TRPC7: variants seen among roughly 807,000 people sequenced by gnomAD.
TRPC7 encodes the protein short transient receptor potential channel 7.
In TRPC7, 42 loss-of-function variants were observed where a neutral mutation model predicts 90.1. The observed-to-expected ratio is 0.47, with a 90% confidence interval of 0.36 to 0.60. The LOEUF is 0.60. Among genes scored for constraint, TRPC7 ranks in the 20% least tolerant of loss-of-function variants. TRPC7 has a pLI of 0.00. For synonymous variants in TRPC7, 451 were observed against 436.3 expected (o/e 1.03, Z -0.42); for missense variants, 955 against 1,112.3 (o/e 0.86, Z 2.01).
At chr5:136,315,288 C>T (rs571283201) in intron 3 of TRPC7, among the ~76,000 whole-genome samples, 6 of 152,256 alleles carry the variant, frequency 3.9e-5, no homozygotes, top group East Asian at 1.9e-4. Context: ...GGAGCCCTCG[C>T]GGTGACATTG....
intron 1 of TRPC7, among the ~76,000 whole-genome samples, chr5:136,361,145 T>C (rs180933075): frequency 3.3e-5 from 5 of 152,300 alleles, no homozygotes; most frequent in African/African-American, 1.2e-4. Flanking sequence ...TTAGGGCCAA[T>C]GATAAGCAAA....
At chr5:136,309,785 T>G (rs1463669926) in intron 3 of TRPC7, among the ~76,000 whole-genome samples, 3 of 152,224 alleles carry the variant, frequency 2.0e-5, no homozygotes, top group African/African-American at 7.2e-5. Flanking sequence ...AACTTACTTT[T>G]GTTAAAAGCC....
chr5:136,349,271 T>G (rs1210773614), intron 2 of TRPC7, among the ~76,000 whole-genome samples: 2 of 152,206 alleles, frequency 1.3e-5, no homozygotes, highest in Non-Finnish European at 2.9e-5. Context: ...GGCCTATTTT[T>G]AACCATGGAG....
At position 136,357,252 on chromosome 5, in the gene TRPC7, G is replaced by A. The variant is rs1209602545; in HGVS notation, c.136C>T (p.Arg46Cys). The A allele has an allele frequency of 1.9e-6, 3 of 1,613,644 alleles. No individual in the cohort carries two copies. Among genetic ancestry groups the A allele is most frequent in the Non-Finnish European group, 2.5e-6 (3 of 1,179,950 alleles). ...CCATACTCAGCCGAGTCCAGGAAGC[G>A]CTCCTCCTCGGGCGTCAGACTGGTG... Reference protein sequence around the residue: ...KGTSLTPEEERFLDSAEYGNI... With the variant: ...KGTSLTPEEECFLDSAEYGNI... The change falls in exon 2 of 12, where the codon CGC becomes TGC. Residue 46 changes from arginine to cysteine, a missense_variant. Arg to Cys is a radical substitution (Grantham distance 180). Transcript: ENST00000513104.
At chr5:136,259,607 T>A (rs369327028) in intron 5 of TRPC7, among the ~76,000 whole-genome samples, 7 of 152,226 alleles carry the variant, frequency 4.6e-5, no homozygotes, top group African/African-American at 1.7e-4. Flanking sequence ...GATGAACATC[T>A]CTAGTGCTAT....
In TRPC7 at chr5:136,230,448, C is replaced by T. The variant is rs577924554; in HGVS notation, c.2040+906G>A. Among the ~76,000 whole-genome samples the T allele has an allele frequency of 9.9e-5, 15 of 152,282 alleles. No individual in the cohort carries two copies. In the South Asian group the frequency reaches 2.5e-3, roughly 25 times the overall value. ...GAATCACATTCCCTTTTCTTTCTCT[C>T]TTACACAAGAGAGAGCCCACTATAT... On this transcript the variant is annotated intron_variant, in intron 8 of 11. Coordinates refer to ENST00000513104, the MANE Select transcript of TRPC7 (RefSeq NM_020389.3).
Position 136,213,515 on chromosome 5 carries a change from G to A in TRPC7, c.2509C>T (p.Leu837=). Residue 837 remains leucine (L), a synonymous_variant, in exon 12 of 12, where the codon CTG becomes TTG. Coordinates refer to ENST00000513104, the MANE Select transcript of TRPC7 (RefSeq NM_020389.3). The part of the protein sequence containing the change: ...KSQATGELAD[L]IQQLSEKFGK... ...AACTTCTCGCTGAGTTGTTGAATCA[G>A]GTCTGCCAGCTCACCAGTAGCTTGA... 1 of 1,614,040 alleles carries A rather than the reference G, an allele frequency of 6.2e-7. No individual in the cohort carries two copies. The highest frequency in any genetic ancestry group is 2.2e-5 in the East Asian group (1 of 44,886).
At chr5:136,314,934 A>G (rs976682381) in intron 3 of TRPC7, among the ~76,000 whole-genome samples, 2 of 152,214 alleles carry the variant, frequency 1.3e-5, no homozygotes, top group African/African-American at 4.8e-5. Flanking sequence ...CAAAGTGGGA[A>G]CATAATTTAC....
chr5:136,237,232 T>C (rs1430128996), intron 7 of TRPC7, among the ~76,000 whole-genome samples: 1 of 152,012 alleles, frequency 6.6e-6, no homozygotes, highest in African/African-American at 2.4e-5. Context: ...CAACAAGGAG[T>C]TTGATTTAGA....
chr5:136,328,064 C>T (rs74962965), intron 2 of TRPC7, among the ~76,000 whole-genome samples: 10 of 152,252 alleles, frequency 6.6e-5, no homozygotes, highest in East Asian at 1.9e-4. Context: ...TAACCTTCAC[C>T]GTATCAATAA....
chr5:136,338,254 G>A (rs958577680), intron 2 of TRPC7, among the ~76,000 whole-genome samples: 2 of 152,192 alleles, frequency 1.3e-5, no homozygotes, highest in African/African-American at 2.4e-5. Flanking sequence ...TTGGGCAGTC[G>A]TTTTCTGTTT....
At chr5:136,302,771 G>C (rs142475588) in intron 3 of TRPC7, among the ~76,000 whole-genome samples, 1 of 152,022 alleles carries the variant, frequency 6.6e-6, no homozygotes, top group Non-Finnish European at 1.5e-5. Flanking sequence ...AATTCTTTTC[G>C]TAAAATGGGC....
chr5:136,315,461 C>G (rs1758981984), intron 3 of TRPC7, 136 bp downstream of exon 3: 5 of 926,826 alleles, frequency 5.4e-6, no homozygotes, highest in Non-Finnish European at 8.1e-6. Context: ...TGACAGCTAG[C>G]TCCCTGTCTA....
intron 7 of TRPC7, among the ~76,000 whole-genome samples, chr5:136,244,170 T>G (rs556467938): frequency 2.2e-5 from 3 of 134,188 alleles, no homozygotes; most frequent in Admixed American, 7.7e-5. Context: ...CCTCCTTCCC[T>G]CTCTTTCTTC....
intron 1 of TRPC7, among the ~76,000 whole-genome samples, chr5:136,364,071 T>C (rs1014034877): frequency 4.6e-5 from 7 of 152,212 alleles, no homozygotes; most frequent in Non-Finnish European, 1.0e-4. Context: ...CCTTATATTA[T>C]GAAATGACAA....
chr5:136,349,270 T>C (rs1464002020), intron 2 of TRPC7, among the ~76,000 whole-genome samples: 1 of 152,208 alleles, frequency 6.6e-6, no homozygotes. Flanking sequence ...TGGCCTATTT[T>C]TAACCATGGA....
At chr5:136,271,028 ATGGTTTGAGGACCCC>A (rs1387069343) in intron 4 of TRPC7, among the ~76,000 whole-genome samples, 2 of 152,196 alleles carry the variant, frequency 1.3e-5, no homozygotes, top group African/African-American at 4.8e-5. Context: ...CCTGAACCAC[ATGGTTTGAGGACCCC>A]TTTCAAGCCA....
chr5:136,301,937 C>T (rs1484844933), intron 3 of TRPC7, among the ~76,000 whole-genome samples: 5 of 152,232 alleles, frequency 3.3e-5, no homozygotes, highest in African/African-American at 9.6e-5. Flanking sequence ...ACCTCAGGTC[C>T]TCACACCGAC....
rs771451450 is a variant in TRPC7 at position 136,226,273 on chromosome 5, C to A, written c.2041-18G>T. The A allele has an allele frequency of 3.2e-5, 50 of 1,538,948 alleles. No individual in the cohort carries two copies. In the East Asian group the frequency reaches 1.1e-3, roughly 32 times the overall value. ...GCATCCTCCTGTGGAACAAGGGAAA[C>A]AACAACACACCCTCAAAGGCCACGA... On this transcript the variant is annotated intron_variant, in intron 8 of 11. Coordinates refer to ENST00000513104, the MANE Select transcript of TRPC7 (RefSeq NM_020389.3).
Sources: allele counts gnomAD v4.1 joint callset (sites outside exome capture counted in the v4.1 genomes callset), GRCh38; gene constraint gnomAD v4.1.1; transcripts MANE v1.5; gene names NCBI Gene and HGNC (gene_info 2026-07-23, HGNC 2026-07-21).